The following CNTN5 variants were observed in gnomAD, a reference collection of about 807,000 sequenced individuals.
CNTN5 encodes contactin-5.
A neutral mutation model predicts 129.1 loss-of-function variants in CNTN5; 77 were observed. That is an observed-to-expected ratio of 0.60 (90% CI 0.50 to 0.72). CNTN5 has a LOEUF of 0.72. Among genes scored for constraint, CNTN5 ranks in the 30% least tolerant of loss-of-function variants. The pLI is 0.00. For synonymous variants in CNTN5, 509 were observed against 465.6 expected (o/e 1.09, Z -1.20); for missense variants, 1,478 against 1,328.8 (o/e 1.11, Z -1.75).
chr11:99,690,233 G>T (rs1017223971), intron 3 of CNTN5, among the ~76,000 whole-genome samples: 1 of 152,088 alleles, frequency 6.6e-6, no homozygotes, highest in African/African-American at 2.4e-5. Flanking sequence ...AAGATCAGAT[G>T]GTTATTGGTA....
chr11:100,030,370 G>T (rs753155947), intron 9 of CNTN5, among the ~76,000 whole-genome samples: 7 of 152,152 alleles, frequency 4.6e-5, no homozygotes, highest in Non-Finnish European at 7.3e-5. Flanking sequence ...GCAAGACCTT[G>T]TCTATATTAA....
At chr11:100,258,750 G>A (rs912752896) in intron 17 of CNTN5, among the ~76,000 whole-genome samples, 6 of 152,282 alleles carry the variant, frequency 3.9e-5, no homozygotes, top group Admixed American at 2.6e-4. Flanking sequence ...AATGCTGAGA[G>A]ATGTTGTCAC....
intron 2 of CNTN5, among the ~76,000 whole-genome samples, chr11:99,394,319 T>A (rs575348892): frequency 4.3e-4 from 65 of 151,762 alleles, no homozygotes; most frequent in African/African-American, 1.5e-3. Flanking sequence ...AAAATGATTT[T>A]ATTATAAAGA....
At chr11:99,072,796 T>C (rs1470717840) in intron 1 of CNTN5, among the ~76,000 whole-genome samples, 1 of 152,174 alleles carries the variant, frequency 6.6e-6, no homozygotes, top group African/African-American at 2.4e-5. Context: ...TGTTTACATA[T>C]GATACACCTT....
In CNTN5 at chr11:100,299,204, A is replaced by T; in HGVS notation, c.2428A>T (p.Ile810Phe). ...EFQNGEGFGY[I>F]VAFRPNGTRG... is the part of the protein sequence containing the mutation. ...TCAGAATGGGGAAGGCTTCGGCTAT[A>T]TTGTGGCTTTCAGACCCAATGGAAC... is the stretch of plus-strand genomic sequence containing the variant. Residue 810 changes from isoleucine (I) to phenylalanine (F), a missense_variant, in exon 20 of 25, where the codon ATT (isoleucine) becomes TTT (phenylalanine). By Grantham distance (21) the Ile-to-Phe change is conservative. Coordinates refer to ENST00000524871, the MANE Select transcript of CNTN5 (RefSeq NM_014361.4). The T allele has an allele frequency of 1.2e-6, 2 of 1,609,682 alleles. No individual in the cohort carries two copies. Among genetic ancestry groups the T allele is most frequent in the Non-Finnish European group, 1.7e-6 (2 of 1,177,206 alleles).
chr11:100,253,949 AGTCTCCTT>A, intron 16 of CNTN5, among the ~76,000 whole-genome samples: 1 of 152,112 alleles, frequency 6.6e-6, no homozygotes, highest in African/African-American at 2.4e-5. Flanking sequence ...ATAACAATCC[AGTCTCCTT>A]GACTCCTTTT....
chr11:99,901,959 G>T (rs1025570912), intron 6 of CNTN5, among the ~76,000 whole-genome samples: 5 of 152,130 alleles, frequency 3.3e-5, no homozygotes, highest in African/African-American at 1.2e-4. Flanking sequence ...TGTTATTCCT[G>T]TTACACAAGT....
At chr11:99,579,404 T>A (rs2135604139) in intron 3 of CNTN5, among the ~76,000 whole-genome samples, 1 of 152,134 alleles carries the variant, frequency 6.6e-6, no homozygotes, top group South Asian at 2.1e-4. Flanking sequence ...GCATTGAATG[T>A]ATAAATTACC....
At chr11:99,695,858 C>G (rs571490730) in intron 3 of CNTN5, among the ~76,000 whole-genome samples, 1 of 152,162 alleles carries the variant, frequency 6.6e-6, no homozygotes, top group African/African-American at 2.4e-5. Flanking sequence ...TTGGAAACCT[C>G]TTCTATAAAA....
chr11:99,637,937 G>A (rs1460540857), intron 3 of CNTN5, among the ~76,000 whole-genome samples: 2 of 152,030 alleles, frequency 1.3e-5, no homozygotes, highest in Non-Finnish European at 2.9e-5. Flanking sequence ...GAGGGCTCTT[G>A]TAGGTTGTTT....
At chr11:99,252,185 A>G (rs1173248500) in intron 1 of CNTN5, among the ~76,000 whole-genome samples, 1 of 151,926 alleles carries the variant, frequency 6.6e-6, no homozygotes, top group Non-Finnish European at 1.5e-5. Context: ...TTTAGGGGCC[A>G]TTCATGAATC....
intron 13 of CNTN5, among the ~76,000 whole-genome samples, chr11:100,095,285 G>C (rs1023529986): frequency 1.3e-5 from 2 of 152,048 alleles, no homozygotes; most frequent in Non-Finnish European, 2.9e-5. Context: ...AAGTCTTGTT[G>C]TCATTGTTCT....
chr11:99,798,174 C>A (rs543434001), intron 3 of CNTN5, among the ~76,000 whole-genome samples: 19 of 152,150 alleles, frequency 1.2e-4, no homozygotes, highest in Non-Finnish European at 2.5e-4. Flanking sequence ...GTGTTCTCAT[C>A]ATTTGGATCC....
intron 3 of CNTN5, among the ~76,000 whole-genome samples, chr11:99,712,151 T>C (rs1379761788): frequency 2.0e-5 from 3 of 152,012 alleles, no homozygotes; most frequent in African/African-American, 4.8e-5. Context: ...TGTTGTTTCT[T>C]GACTTTAATG....
rs148728607 is a variant in CNTN5, at chr11:99,686,182, T to C, written c.55+129913T>C. Among the ~76,000 whole-genome samples, 383 of 152,216 alleles carry C rather than the reference T, an allele frequency of 2.5e-3. 2 individuals carry two copies. The highest frequency in any genetic ancestry group is 8.8e-3 in the African/African-American group (365 of 41,570). On this transcript the variant is annotated intron_variant, in intron 3 of 24. Transcript: ENST00000524871. ...AAATGGCTTTGTTAACATGGTTTTA[T>C]ACAGTCATTACTTGAATAGATTGAC...
chr11:100,109,210 G>A (rs990468433), intron 13 of CNTN5, among the ~76,000 whole-genome samples: 23 of 152,284 alleles, frequency 1.5e-4, no homozygotes, highest in African/African-American at 4.8e-4. Context: ...GATGGATCAC[G>A]AAGTCAGGCA....
chr11:99,707,839 A>G (rs936742638), intron 3 of CNTN5, among the ~76,000 whole-genome samples: 2 of 151,610 alleles, frequency 1.3e-5, no homozygotes, highest in African/African-American at 4.8e-5. Flanking sequence ...ATCTAATATA[A>G]AATAATATTT....
chr11:100,156,043 G>C (rs973940995), intron 13 of CNTN5, among the ~76,000 whole-genome samples: 1 of 152,006 alleles, frequency 6.6e-6, no homozygotes, highest in Non-Finnish European at 1.5e-5. Flanking sequence ...ATACTATGTT[G>C]AGTAGGAATG....
intron 2 of CNTN5, among the ~76,000 whole-genome samples, chr11:99,413,020 C>T (rs556491710): frequency 7.9e-5 from 12 of 152,292 alleles, no homozygotes; most frequent in South Asian, 6.2e-4. Flanking sequence ...GTGGATTCTA[C>T]GACCAATGAC....
Sources: gnomAD v4.1 joint callset for allele counts (sites outside exome capture counted in the v4.1 genomes callset) on GRCh38, gnomAD v4.1.1 for gene constraint, MANE v1.5 for transcripts, NCBI Gene and HGNC (gene_info 2026-07-23, HGNC 2026-07-21) for gene names.